RIMKLB: variants seen among roughly 807,000 people sequenced by gnomAD.
RIMKLB encodes beta-citrylglutamate synthase B.
Under a neutral mutation model 32.0 loss-of-function variants are expected in RIMKLB, and 7 were observed. That is an observed-to-expected ratio of 0.22 (90% CI 0.12 to 0.41). RIMKLB has a LOEUF of 0.41. RIMKLB is among the 10% of genes least tolerant of loss of function. The pLI is 1.00. For missense variants in RIMKLB, 289 were observed against 498.7 expected, an observed-to-expected ratio of 0.58 and a Z score of 4.00; for synonymous variants, 172 against 185.1, an observed-to-expected ratio of 0.93 and a Z score of 0.57.
chr12:8,782,546 T>TTGCGACTGTTCACTCACTAGA (rs757616585), intron 7 of RIMKLB, among the ~76,000 whole-genome samples: 78 of 152,280 alleles, frequency 5.1e-4, no homozygotes, highest in East Asian at 1.7e-3. Flanking sequence ...TAAATTGAAC[T>TTGCGACTGTTCACTCACTAGA]TGCGACTGTT....
upstream of RIMKLB, chr12:8,697,398 C>G (rs1321857948): frequency 1.3e-5 from 2 of 152,914 alleles, no homozygotes; most frequent in Non-Finnish European, 1.5e-5. Flanking sequence ...AGCGGAGACT[C>G]CGGGCGGCGG....
At chr12:8,680,343 T>C (rs1261448684), upstream of RIMKLB, among the ~76,000 whole-genome samples, 1 of 151,990 alleles carries the variant, frequency 6.6e-6, no homozygotes, top group Non-Finnish European at 1.5e-5. Flanking sequence ...GTATTTTTAG[T>C]AGAGACGGGG....
chr12:8,680,078 A>G (rs1281762346), upstream of RIMKLB, among the ~76,000 whole-genome samples: 2 of 152,110 alleles, frequency 1.3e-5, no homozygotes, highest in African/African-American at 4.8e-5. Context: ...TCCCACCAAC[A>G]CCATGACAGT....
At chr12:8,769,200 T>C (rs1950209084) in intron 5 of RIMKLB, among the ~76,000 whole-genome samples, 1 of 152,196 alleles carries the variant, frequency 6.6e-6, no homozygotes, top group Admixed American at 6.5e-5. Context: ...TTCTTTTGGC[T>C]ACCTTTACCA....
intron 2 of RIMKLB, among the ~76,000 whole-genome samples, chr12:8,746,591 T>A (rs1485039294): frequency 2.8e-5 from 4 of 142,258 alleles, no homozygotes; most frequent in Non-Finnish European, 1.5e-5. Flanking sequence ...GAGTTGAGAC[T>A]CTGTCTCAAA....
At chr12:8,691,630 G>C (rs1295031335) in intron 1 of RIMKLB, among the ~76,000 whole-genome samples, 2 of 152,094 alleles carry the variant, frequency 1.3e-5, no homozygotes. Flanking sequence ...AAACAAAAAA[G>C]AAAAGAATTA....
intron 2 of RIMKLB, among the ~76,000 whole-genome samples, chr12:8,732,514 A>AT (rs1247012231): frequency 2.6e-5 from 4 of 152,122 alleles, no homozygotes; most frequent in African/African-American, 9.7e-5. Flanking sequence ...TGCATTGTGT[A>AT]TTTTTGGGGT....
At chr12:8,740,524 A>G (rs1034160726) in intron 2 of RIMKLB, among the ~76,000 whole-genome samples, 3 of 152,104 alleles carry the variant, frequency 2.0e-5, no homozygotes, top group South Asian at 2.1e-4. Context: ...CCCAAAGTCC[A>G]TTATATCATT....
intron 2 of RIMKLB, among the ~76,000 whole-genome samples, chr12:8,728,710 C>T (rs1290004925): frequency 6.6e-6 from 1 of 152,096 alleles, no homozygotes; most frequent in Non-Finnish European, 1.5e-5. Context: ...ATCCCAGGCT[C>T]AAGCAGTTTC....
chr12:8,706,430 C>T, intron 1 of RIMKLB, among the ~76,000 whole-genome samples: 1 of 148,292 alleles, frequency 6.7e-6, no homozygotes, highest in Non-Finnish European at 1.5e-5. Flanking sequence ...CAGGTGTGAG[C>T]CACCACGCCT....
chr12:8,746,142 T>A (rs1390228157), intron 2 of RIMKLB, among the ~76,000 whole-genome samples: 1 of 151,826 alleles, frequency 6.6e-6, no homozygotes, highest in Non-Finnish European at 1.5e-5. Flanking sequence ...CCTATCTAGA[T>A]CCAAATCCAA....
upstream of RIMKLB, among the ~76,000 whole-genome samples, chr12:8,677,543 C>T (rs780817604): frequency 1.3e-5 from 2 of 152,324 alleles, no homozygotes; most frequent in East Asian, 3.9e-4. Context: ...CCCATCCACA[C>T]TTCCCCATCT....
intron 2 of RIMKLB, among the ~76,000 whole-genome samples, chr12:8,714,542 A>C (rs763579007): frequency 6.6e-6 from 1 of 152,180 alleles, no homozygotes; most frequent in African/African-American, 2.4e-5. Context: ...CTTTTTATAA[A>C]ACACTATACA....
At chr12:8,782,066 G>A (rs1430703447), downstream of RIMKLB, among the ~76,000 whole-genome samples, 8 of 147,560 alleles carry the variant, frequency 5.4e-5, no homozygotes, top group Middle Eastern at 3.4e-3. Context: ...TACTGTACTT[G>A]AGCCTGGGTG....
chr12:8,757,005 G>C (rs1949092536), intron 5 of RIMKLB, among the ~76,000 whole-genome samples: 1 of 152,098 alleles, frequency 6.6e-6, no homozygotes, highest in Non-Finnish European at 1.5e-5. Flanking sequence ...CTTGAAAAAT[G>C]ACTTCTGCCT....
chr12:8,735,317 C>T (rs936024002), intron 2 of RIMKLB, among the ~76,000 whole-genome samples: 10 of 152,136 alleles, frequency 6.6e-5, no homozygotes, highest in African/African-American at 9.7e-5. Context: ...GCATCCTCTA[C>T]CTCCTGGGTT....
chr12:8,773,824 T>A lies in RIMKLB; in HGVS notation c.*40T>A, dbSNP rs759442837. 191 of 1,545,120 alleles carry A rather than the reference T, an allele frequency of 1.2e-4. No individual in the cohort carries two copies. In the East Asian group the frequency reaches 1.8e-3, roughly 14 times the overall value. ...AACCAACAAAACCCTTGTAAAACTT[T>A]CTTTCTTCTTTTCTATTTTTAAAAC... On this transcript the variant is annotated 3_prime_UTR_variant, in exon 6 of 6. Coordinates refer to ENST00000535829, the MANE Select transcript of RIMKLB (RefSeq NM_001297776.2).
intron 5 of RIMKLB, among the ~76,000 whole-genome samples, chr12:8,757,806 G>C (rs1175045280): frequency 6.6e-6 from 1 of 152,056 alleles, no homozygotes; most frequent in Non-Finnish European, 1.5e-5. Flanking sequence ...AATAACTTCA[G>C]CTCTACTAGA....
At chr12:8,722,156 T>A (rs1945507801) in intron 2 of RIMKLB, among the ~76,000 whole-genome samples, 1 of 151,846 alleles carries the variant, frequency 6.6e-6, no homozygotes, top group Non-Finnish European at 1.5e-5. Flanking sequence ...TTATGAAATG[T>A]ATGTCTTAAA....
Sources: gnomAD v4.1 joint callset for allele counts (sites outside exome capture counted in the v4.1 genomes callset) on GRCh38, gnomAD v4.1.1 for gene constraint, MANE v1.5 for transcripts, NCBI Gene and HGNC (gene_info 2026-07-23, HGNC 2026-07-21) for gene names.